Variants in EGFLAM observed in about 807,000 individuals in gnomAD.
EGFLAM encodes the protein EGF like, fibronectin type III and laminin G domains, also known as pikachurin.
Under a neutral mutation model 113.1 loss-of-function variants are expected in EGFLAM, and 79 were observed. The observed-to-expected ratio is 0.70, with a 90% CI of 0.58 to 0.84. The LOEUF (loss-of-function observed/expected upper bound fraction) is 0.84. Ranked by LOEUF, EGFLAM falls within the 40% of genes least tolerant of loss-of-function variation. EGFLAM has a pLI of 0.00. For missense variants in EGFLAM, 1,265 were observed against 1,291.6 expected (o/e 0.98, Z 0.32); for synonymous variants, 504 against 487.6 (o/e 1.03, Z -0.44).
Position 38,431,181 on chromosome 5 carries a change from G to T in EGFLAM, c.2059G>T (p.Glu687Ter), listed in dbSNP as rs1282953376. 3 of 1,614,080 alleles carry T rather than the reference G, an allele frequency of 1.9e-6. No homozygotes were observed. The highest frequency in any genetic ancestry group is 1.7e-6 in the Non-Finnish European group (2 of 1,179,972). The change falls in exon 15 of 22, where the codon GAA becomes TAA. Residue 687 changes from glutamate (E) to a stop codon, truncating the protein, a stop_gained. Coordinates refer to ENST00000322350, the MANE Select transcript of EGFLAM (RefSeq NM_152403.4). LOFTEE classifies it high-confidence loss of function. ...TATCACATCTTCCTTCCACAGGAGT[G>T]AAGATCCCCTCACCCTGGGCAACTG... The part of the protein sequence containing the change: ...CGSGTGVLRS[E>*]DPLTLGNWHE...
intron 18 of EGFLAM, among the ~76,000 whole-genome samples, chr5:38,449,019 G>C (rs558546983): frequency 2.0e-5 from 3 of 152,174 alleles, no homozygotes; most frequent in African/African-American, 7.2e-5. Context: ...TGGAGTCCTC[G>C]CTCTTGGTTT....
intron 1 of EGFLAM, among the ~76,000 whole-genome samples, chr5:38,314,153 T>C (rs1229060031): frequency 6.6e-6 from 1 of 152,224 alleles, no homozygotes; most frequent in Non-Finnish European, 1.5e-5. Context: ...GGAGTTAAAG[T>C]TATGTTGGTG....
chr5:38,324,682 A>G (rs1043144605), intron 1 of EGFLAM, among the ~76,000 whole-genome samples: 1 of 152,168 alleles, frequency 6.6e-6, no homozygotes, highest in Non-Finnish European at 1.5e-5. Context: ...TTTCATTTAC[A>G]AACACACATT....
At chr5:38,330,894 G>C (rs1183561210) in intron 1 of EGFLAM, among the ~76,000 whole-genome samples, 2 of 151,998 alleles carry the variant, frequency 1.3e-5, no homozygotes, top group African/African-American at 4.8e-5. Context: ...TTACACAGGG[G>C]GAAGCAAACA....
intron 6 of EGFLAM, among the ~76,000 whole-genome samples, chr5:38,378,810 T>C (rs1005534006): frequency 6.6e-5 from 10 of 152,180 alleles, no homozygotes; most frequent in African/African-American, 2.4e-4. Flanking sequence ...AGCTTCCTCA[T>C]CTCTAAGATG....
chr5:38,323,796 C>G (rs529960107), intron 1 of EGFLAM, among the ~76,000 whole-genome samples: 1 of 152,016 alleles, frequency 6.6e-6, no homozygotes, highest in African/African-American at 2.4e-5. Flanking sequence ...TGTCTGTAAT[C>G]GTAGCACTTT....
rs1757410816 is a variant in EGFLAM at position 38,258,634 on chromosome 5, C to A, written c.-121C>A. ...GTGTTTCCGGGCCCAGCCCTCGCAG[C>A]CCCCCACCTCCTCGCCCCGGCCCGG... is the stretch of plus-strand genomic sequence containing the variant. On this transcript the variant is annotated 5_prime_UTR_variant, in exon 1 of 22. Transcript: ENST00000322350. 3.5e-6 allele frequency: 4 copies of A among 1,142,456 alleles called. No homozygotes were observed. The highest frequency in any genetic ancestry group is 5.1e-6 in the Non-Finnish European group (4 of 779,788). The allele number at this position is 1,142,456 out of a possible 1,614,324, so 70.8% of individuals were successfully genotyped here.
Position 38,453,346 on chromosome 5 carries a change from C to G in EGFLAM, c.2687+1888C>G, listed in dbSNP as rs1450014890. On this transcript the variant is annotated intron_variant, in intron 19 of 21. Coordinates refer to ENST00000322350, the MANE Select transcript of EGFLAM (RefSeq NM_152403.4). ...CAGGGATCACTAAACAGTGGAGAAGCTGAAGACTTAATTCTGGGGCTTCTG... is the reference window on the plus strand; with the variant it reads ...CAGGGATCACTAAACAGTGGAGAAGGTGAAGACTTAATTCTGGGGCTTCTG... Among the ~76,000 whole-genome samples, 3 of 152,218 alleles carry G rather than the reference C, an allele frequency of 2.0e-5. No homozygotes were observed. In the East Asian group the frequency reaches 5.8e-4, roughly 29 times the overall value.
At chr5:38,446,210 A>C (rs1579943625) in intron 17 of EGFLAM, among the ~76,000 whole-genome samples, 1 of 148,858 alleles carries the variant, frequency 6.7e-6, no homozygotes, top group African/African-American at 2.5e-5. Context: ...GCTTCCTTCC[A>C]CCTCCTCCAT....
intron 6 of EGFLAM, among the ~76,000 whole-genome samples, chr5:38,378,603 A>C (rs2112054889): frequency 6.6e-6 from 1 of 152,292 alleles, no homozygotes; most frequent in Admixed American, 6.5e-5. Flanking sequence ...CAGCTTCCTT[A>C]CAGCTGCAGC....
At chr5:38,412,053 G>A (rs1004858219) in intron 10 of EGFLAM, among the ~76,000 whole-genome samples, 1 of 152,146 alleles carries the variant, frequency 6.6e-6, no homozygotes, top group Admixed American at 6.5e-5. Flanking sequence ...GCCCGCCTTC[G>A]CCTTCCAAAG....
chr5:38,261,905 A>T (rs1181057514), intron 1 of EGFLAM, among the ~76,000 whole-genome samples: 1 of 152,194 alleles, frequency 6.6e-6, no homozygotes, highest in African/African-American at 2.4e-5. Context: ...GGCCCACTAC[A>T]GTACCTGAGG....
intron 11 of EGFLAM, among the ~76,000 whole-genome samples, chr5:38,414,814 A>AC (rs958092490): frequency 4.0e-5 from 6 of 151,038 alleles, no homozygotes; most frequent in African/African-American, 9.8e-5. Context: ...TACTCCATGG[A>AC]CCCCCCCTCA....
At chr5:38,381,074 G>C (rs963933998) in intron 6 of EGFLAM, among the ~76,000 whole-genome samples, 3 of 152,084 alleles carry the variant, frequency 2.0e-5, no homozygotes, top group African/African-American at 4.8e-5. Flanking sequence ...AATATATTGA[G>C]GTGATATCCA....
chr5:38,312,492 G>T (rs915908389), intron 1 of EGFLAM, among the ~76,000 whole-genome samples: 1 of 151,862 alleles, frequency 6.6e-6, no homozygotes, highest in African/African-American at 2.4e-5. Context: ...CGCCCGCCTC[G>T]GCCTCCCAAA....
At chr5:38,345,221 TA>T (rs1739444800) in intron 3 of EGFLAM, 1 of 152,208 alleles carries the variant, frequency 6.6e-6, no homozygotes, top group Non-Finnish European at 1.5e-5. Context: ...TCATTGTCTG[TA>T]AAATGGAGAT....
intron 5 of EGFLAM, among the ~76,000 whole-genome samples, chr5:38,363,681 C>T (rs752106): frequency 7.9e-5 from 12 of 152,048 alleles, no homozygotes; most frequent in South Asian, 2.1e-4. Context: ...TTTGATGATC[C>T]TTTTCAATAT....
At chr5:38,408,342 T>C (rs1741361346) in intron 9 of EGFLAM, among the ~76,000 whole-genome samples, 1 of 152,220 alleles carries the variant, frequency 6.6e-6, no homozygotes, top group Admixed American at 6.5e-5. Context: ...AAGCCTTGCT[T>C]CGTGAGGGCC....
chr5:38,389,970 G>A lies in EGFLAM; in HGVS notation c.713-16156G>A, dbSNP rs143211767. On this transcript the variant is annotated intron_variant, in intron 6 of 21. Coordinates refer to ENST00000322350, the MANE Select transcript of EGFLAM (RefSeq NM_152403.4). ...AGGCTTTGTTACATTGTTTTGTATT[G>A]TGAGTTATTTTAAGTGTGGTGAAAA... is the stretch of plus-strand genomic sequence containing the variant. 2.6e-3 allele frequency among the ~76,000 whole-genome samples: 395 copies of A among 152,098 alleles called. 3 individuals carry two copies. The highest frequency in any genetic ancestry group is 9.1e-3 in the African/African-American group (379 of 41,482).
Sources: allele counts gnomAD v4.1 joint callset (sites outside exome capture counted in the v4.1 genomes callset), GRCh38; gene constraint gnomAD v4.1.1; transcripts MANE v1.5; gene names NCBI Gene and HGNC (gene_info 2026-07-23, HGNC 2026-07-21).